The following ARHGAP15 variants were observed in gnomAD, a reference collection of about 807,000 sequenced individuals.
ARHGAP15 encodes the protein rho GTPase-activating protein 15.
ARHGAP15 carries 51 observed loss-of-function variants against 63.7 expected under a neutral mutation model. The observed-to-expected ratio is 0.80, with a 90% CI of 0.64 to 1.01. The LOEUF (loss-of-function observed/expected upper bound fraction) is 1.01, where lower values mean the gene tolerates loss of function less well. Among genes scored for constraint, ARHGAP15 ranks in the 50% least tolerant of loss-of-function variants. The probability of loss-of-function intolerance (pLI) is 0.00; values close to 1 mark genes in which losing one functional copy is unlikely to be tolerated. For missense variants in ARHGAP15, 560 were observed against 564.6 expected (o/e 0.99, Z 0.08); for synonymous variants, 191 against 193.8 (o/e 0.99, Z 0.12).
intron 1 of ARHGAP15, among the ~76,000 whole-genome samples, chr2:143,155,136 T>C (rs1370595793): frequency 2.6e-5 from 4 of 151,916 alleles, no homozygotes; most frequent in African/African-American, 7.2e-5. Flanking sequence ...TTAAAAAGCA[T>C]ATATCCTCAA....
intron 2 of ARHGAP15, among the ~76,000 whole-genome samples, chr2:143,185,964 C>T (rs1691432275): frequency 6.6e-6 from 1 of 152,126 alleles, no homozygotes; most frequent in Admixed American, 6.6e-5. Flanking sequence ...GAAAAATAAA[C>T]CCCCACCAAA....
intron 11 of ARHGAP15, among the ~76,000 whole-genome samples, chr2:143,598,356 A>G (rs1697609744): frequency 6.6e-6 from 1 of 152,170 alleles, no homozygotes; most frequent in African/African-American, 2.4e-5. Flanking sequence ...CAAAGTTAAA[A>G]ACTTCAAATG....
intron 6 of ARHGAP15, among the ~76,000 whole-genome samples, chr2:143,260,146 G>A (rs964203612): frequency 2.4e-4 from 36 of 152,026 alleles, no homozygotes; most frequent in Non-Finnish European, 3.4e-4. Flanking sequence ...TCAGAAACTC[G>A]TAATCCTTCT....
intron 12 of ARHGAP15, among the ~76,000 whole-genome samples, chr2:143,663,634 A>T (rs1681964433): frequency 6.6e-6 from 1 of 152,178 alleles, no homozygotes; most frequent in Admixed American, 6.5e-5. Flanking sequence ...TTGGATAAAG[A>T]GTCAAGACCC....
intron 6 of ARHGAP15, among the ~76,000 whole-genome samples, chr2:143,317,744 A>C (rs1683786226): frequency 6.6e-6 from 1 of 152,176 alleles, no homozygotes; most frequent in Admixed American, 6.5e-5. Context: ...GGGGGGATTC[A>C]TGTAAAGGCA....
At chr2:143,492,782 C>T (rs1481952317) in intron 9 of ARHGAP15, among the ~76,000 whole-genome samples, 3 of 150,910 alleles carry the variant, frequency 2.0e-5, no homozygotes, top group Non-Finnish European at 4.4e-5. Flanking sequence ...ATCATCCGGG[C>T]GTGGTGGCTC....
At chr2:143,544,340 C>T (rs1374807527) in intron 10 of ARHGAP15, among the ~76,000 whole-genome samples, 1 of 152,118 alleles carries the variant, frequency 6.6e-6, no homozygotes, top group South Asian at 2.1e-4. Context: ...AGTCTCCAAA[C>T]ATTTTTCAAG....
At chr2:143,169,084 C>G (rs1380874931) in intron 2 of ARHGAP15, among the ~76,000 whole-genome samples, 1 of 152,030 alleles carries the variant, frequency 6.6e-6, no homozygotes, top group Non-Finnish European at 1.5e-5. Flanking sequence ...TTGAATTCCA[C>G]CTAAAGATGT....
intron 11 of ARHGAP15, among the ~76,000 whole-genome samples, chr2:143,567,430 C>T (rs1012354171): frequency 2.0e-5 from 3 of 152,144 alleles, no homozygotes; most frequent in African/African-American, 4.8e-5. Flanking sequence ...CATACAGCCC[C>T]GAAAAGAATA....
At chr2:143,616,653 AG>A (rs780250116) in intron 11 of ARHGAP15, among the ~76,000 whole-genome samples, 2 of 152,226 alleles carry the variant, frequency 1.3e-5, no homozygotes, top group Non-Finnish European at 2.9e-5. Flanking sequence ...AGGAGGCCAC[AG>A]AAAACCAGGT....
intron 12 of ARHGAP15, 121 bp downstream of exon 12, chr2:143,624,388 A>T: frequency 1.7e-6 from 2 of 1,151,858 alleles, no homozygotes; most frequent in Non-Finnish European, 2.3e-6. Context: ...CCGATGCTCC[A>T]TATCTTACGT....
intron 6 of ARHGAP15, among the ~76,000 whole-genome samples, chr2:143,277,819 T>C (rs567952255): frequency 6.6e-6 from 1 of 152,180 alleles, no homozygotes; most frequent in East Asian, 1.9e-4. Context: ...GTTCTCTCCA[T>C]ATGGTTTATT....
In ARHGAP15 at chr2:143,767,965, ATTT is replaced by A. The variant is rs144009779; in HGVS notation, c.1245-17_1245-15del. The A allele has an allele frequency of 4.1e-3, 6,433 of 1,582,950 alleles. 221 individuals carry two copies. The African/African-American group carries it at 0.078, about 19-fold the overall frequency. ...CTTCACTTCAAACTCCAGTGAAATT[ATTT>A]TTTTTTCTCTCTCTCCACAGGATAG... On this transcript the variant is annotated intron_variant, in intron 13 of 13. Coordinates refer to ENST00000295095, the MANE Select transcript of ARHGAP15 (RefSeq NM_018460.4).
intron 8 of ARHGAP15, among the ~76,000 whole-genome samples, chr2:143,447,219 A>C (rs1293145197): frequency 2.0e-5 from 3 of 152,348 alleles, no homozygotes; most frequent in African/African-American, 7.2e-5. Flanking sequence ...AAATAATACA[A>C]GGGTAGAATT....
At chr2:143,623,263 T>A (rs1197182536) in intron 11 of ARHGAP15, among the ~76,000 whole-genome samples, 1 of 152,210 alleles carries the variant, frequency 6.6e-6, no homozygotes, top group Non-Finnish European at 1.5e-5. Flanking sequence ...GACATTCATA[T>A]TGAGGGTGAA....
At chr2:143,515,012 C>T (rs1353425580) in intron 9 of ARHGAP15, among the ~76,000 whole-genome samples, 1 of 152,070 alleles carries the variant, frequency 6.6e-6, no homozygotes, top group African/African-American at 2.4e-5. Flanking sequence ...CGAGATGGTT[C>T]CATGGCAAAG....
intron 11 of ARHGAP15, among the ~76,000 whole-genome samples, chr2:143,607,157 A>T (rs1698070281): frequency 6.6e-6 from 1 of 152,190 alleles, no homozygotes; most frequent in Non-Finnish European, 1.5e-5. Context: ...CATTTCAGTC[A>T]CGCTGCTCTA....
intron 3 of ARHGAP15, among the ~76,000 whole-genome samples, chr2:143,211,307 T>C (rs1257194401): frequency 7.8e-6 from 1 of 128,844 alleles, no homozygotes; most frequent in African/African-American, 3.0e-5. Flanking sequence ...ACAGATAAGG[T>C]AGATATTTCT....
At chr2:143,488,772 A>C (rs1157793633) in intron 9 of ARHGAP15, among the ~76,000 whole-genome samples, 1 of 152,226 alleles carries the variant, frequency 6.6e-6, no homozygotes, top group Non-Finnish European at 1.5e-5. Context: ...ATTAGCTAGC[A>C]CTTTGAACCA....
Sources: gnomAD v4.1 joint callset for allele counts (sites outside exome capture counted in the v4.1 genomes callset) on GRCh38, gnomAD v4.1.1 for gene constraint, MANE v1.5 for transcripts, NCBI Gene and HGNC (gene_info 2026-07-23, HGNC 2026-07-21) for gene names.